Variants in PRKAR1A observed in about 807,000 individuals in gnomAD.
PRKAR1A encodes the protein cAMP-dependent protein kinase type I-alpha regulatory subunit.
In PRKAR1A, 3 loss-of-function variants were observed where a neutral mutation model predicts 52.0. That is an observed-to-expected ratio of 0.06 (90% CI 0.03 to 0.15). The LOEUF (loss-of-function observed/expected upper bound fraction) is 0.15. PRKAR1A is among the 10% of genes least tolerant of loss of function. The pLI, the probability that PRKAR1A is intolerant of heterozygous loss-of-function variation, is 1.00. For synonymous variants in PRKAR1A, 188 were observed against 168.4 expected, an observed-to-expected ratio of 1.12 and a Z score of -0.90; for missense variants, 240 against 477.4, an observed-to-expected ratio of 0.50 and a Z score of 4.63.
At chr17:68,441,680 G>T in the PRKAR1A span, among the ~76,000 whole-genome samples, 1 of 152,136 alleles carries the variant, frequency 6.6e-6, no homozygotes, top group South Asian at 2.1e-4. Context: ...CTGACTGCCC[G>T]CATGGACAGG....
chr17:68,422,143 T>G, the PRKAR1A span: 1 of 267,582 alleles, frequency 3.7e-6, no homozygotes, highest in Non-Finnish European at 7.3e-6. Context: ...AAAAGTCAGT[T>G]TAGGCTGGGC....
the PRKAR1A span, chr17:68,428,151 G>C: frequency 6.6e-6 from 1 of 152,064 alleles, no homozygotes; most frequent in Non-Finnish European, 1.5e-5. Context: ...GCCCTCCTTG[G>C]CCTCCCAAAG....
the PRKAR1A span, among the ~76,000 whole-genome samples, chr17:68,419,723 G>A: frequency 6.6e-6 from 1 of 152,028 alleles, no homozygotes; most frequent in South Asian, 2.1e-4. Flanking sequence ...ATTTTGGGAG[G>A]CTGGGACAGG....
At chr17:68,414,921 T>G in the PRKAR1A span, among the ~76,000 whole-genome samples, 1 of 152,232 alleles carries the variant, frequency 6.6e-6, no homozygotes, top group Non-Finnish European at 1.5e-5. Flanking sequence ...ATTTTCTCTC[T>G]TCTTTTCTTG....
chr17:68,505,088 A>T, the PRKAR1A span, among the ~76,000 whole-genome samples: 1 of 152,190 alleles, frequency 6.6e-6, no homozygotes, highest in Admixed American at 6.5e-5. Context: ...TGAGCCCAGA[A>T]GTTCAAGACT....
the PRKAR1A span, chr17:68,421,874 C>T: frequency 5.0e-6 from 8 of 1,610,590 alleles, 1 homozygote; most frequent in Admixed American, 1.2e-4. Flanking sequence ...GGCTGGTAGG[C>T]AGGTGCATTA....
At chr17:68,450,506 A>G in the PRKAR1A span, among the ~76,000 whole-genome samples, 1 of 152,192 alleles carries the variant, frequency 6.6e-6, no homozygotes, top group Non-Finnish European at 1.5e-5. Context: ...TCAGGGACCA[A>G]CGTTCTGGAA....
chr17:68,458,301 A>C, the PRKAR1A span, among the ~76,000 whole-genome samples: 4 of 152,326 alleles, frequency 2.6e-5, no homozygotes, highest in African/African-American at 9.6e-5. Context: ...AAAGCTAAAC[A>C]ATTTGTCTAA....
chr17:68,495,256 C>T, the PRKAR1A span, among the ~76,000 whole-genome samples: 1 of 152,156 alleles, frequency 6.6e-6, no homozygotes, highest in African/African-American at 2.4e-5. Context: ...TGGTTTCAAA[C>T]TCCTGGCCTC....
chr17:68,503,355 A>G, the PRKAR1A span, among the ~76,000 whole-genome samples: 1 of 152,242 alleles, frequency 6.6e-6, no homozygotes, highest in Admixed American at 6.5e-5. Flanking sequence ...TGATCCAGAA[A>G]TTGAACTTCT....
At chr17:68,429,200 C>T in the PRKAR1A span, among the ~76,000 whole-genome samples, 2 of 151,716 alleles carry the variant, frequency 1.3e-5, no homozygotes, top group Non-Finnish European at 1.5e-5. Flanking sequence ...GAAGCAATAG[C>T]TAGTGAACAC....
the PRKAR1A span, among the ~76,000 whole-genome samples, chr17:68,439,091 AAACAT>A: frequency 6.6e-6 from 1 of 152,202 alleles, no homozygotes; most frequent in Non-Finnish European, 1.5e-5. Flanking sequence ...TTCAAAAGCT[AAACAT>A]AAAGTTCTCA....
At chr17:68,439,204 C>T in the PRKAR1A span, among the ~76,000 whole-genome samples, 2 of 152,208 alleles carry the variant, frequency 1.3e-5, no homozygotes, top group South Asian at 4.1e-4. Flanking sequence ...CAGCATTATT[C>T]ATAAGTCAAA....
chr17:68,463,130 G>A, the PRKAR1A span, among the ~76,000 whole-genome samples: 1 of 152,038 alleles, frequency 6.6e-6, no homozygotes, highest in African/African-American at 2.4e-5. Context: ...AGAGGGGCGT[G>A]GCTAAGAATC....
chr17:68,509,312 G>T (rs1156737250), upstream of PRKAR1A, among the ~76,000 whole-genome samples: 1 of 152,130 alleles, frequency 6.6e-6, no homozygotes, highest in Non-Finnish European at 1.5e-5. Context: ...ACATGCGTGG[G>T]TCACCACATC....
the PRKAR1A span, among the ~76,000 whole-genome samples, chr17:68,466,337 C>T: frequency 6.6e-6 from 1 of 151,550 alleles, no homozygotes; most frequent in African/African-American, 2.4e-5. Context: ...ACTGTAACAA[C>T]ACTGAAGTGT....
the PRKAR1A span, among the ~76,000 whole-genome samples, chr17:68,465,168 G>C: frequency 2.0e-5 from 3 of 151,712 alleles, no homozygotes; most frequent in Admixed American, 1.3e-4. Flanking sequence ...ACCTGACCTC[G>C]TGATCTGCCC....
chr17:68,540,031 GTT>G, intron 11 of PRKAR1A: 1 of 1,412,416 alleles, frequency 7.1e-7, no homozygotes, highest in East Asian at 2.3e-5. Context: ...CCTGACCTGA[GTT>G]CTCTCCAGGG....
chr17:68,491,116 G>A, the PRKAR1A span, among the ~76,000 whole-genome samples: 1 of 146,958 alleles, frequency 6.8e-6, no homozygotes, highest in Non-Finnish European at 1.5e-5. Flanking sequence ...TTTTGAGACA[G>A]AGTCTGGCTC....
Sources: gnomAD v4.1 joint callset for allele counts (sites outside exome capture counted in the v4.1 genomes callset) on GRCh38, gnomAD v4.1.1 for gene constraint, MANE v1.5 for transcripts, NCBI Gene and HGNC (gene_info 2026-07-23, HGNC 2026-07-21) for gene names.